The following SH3RF3 variants were observed in gnomAD, a reference collection of about 807,000 sequenced individuals.
SH3RF3 encodes SH3 domain containing ring finger 3.
In SH3RF3, 29 loss-of-function variants were observed where a neutral mutation model predicts 66.3. That is an observed-to-expected ratio of 0.44 (90% CI 0.33 to 0.60). SH3RF3 has a LOEUF of 0.60. Among genes scored for constraint, SH3RF3 ranks in the 20% least tolerant of loss-of-function variants. The probability of loss-of-function intolerance (pLI) is 0.04; values close to 1 mark genes in which losing one functional copy is unlikely to be tolerated. For missense variants in SH3RF3, 1,194 were observed against 1,190.9 expected, an observed-to-expected ratio of 1.00 and a Z score of -0.04; for synonymous variants, 583 against 532.0, an observed-to-expected ratio of 1.10 and a Z score of -1.32.
intron 1 of SH3RF3, among the ~76,000 whole-genome samples, chr2:109,322,146 G>C (rs1291598587): frequency 6.6e-6 from 1 of 152,118 alleles, no homozygotes; most frequent in African/African-American, 2.4e-5. Flanking sequence ...TAAGGGGGAG[G>C]AAGAGAGAGA....
At chr2:109,249,504 TCTTTCA>T (rs1231900082) in intron 1 of SH3RF3, among the ~76,000 whole-genome samples, 3 of 30,948 alleles carry the variant, frequency 9.7e-5, no homozygotes, top group South Asian at 1.0e-3. Context: ...TTTCTTTCTT[TCTTTCA>T]TTCTTTCTTT....
chr2:109,441,023 C>G (rs1261293254), intron 7 of SH3RF3, among the ~76,000 whole-genome samples: 1 of 151,692 alleles, frequency 6.6e-6, no homozygotes, highest in Admixed American at 6.6e-5. Flanking sequence ...AGACTGAGCA[C>G]TGTTCCAATT....
intron 7 of SH3RF3, among the ~76,000 whole-genome samples, chr2:109,437,689 T>C (rs1677443257): frequency 6.6e-6 from 1 of 150,790 alleles, no homozygotes. Context: ...ATGACAGCTG[T>C]TGATCCTTCG....
At chr2:109,455,602 T>C (rs1302150325) in intron 8 of SH3RF3, among the ~76,000 whole-genome samples, 1 of 152,218 alleles carries the variant, frequency 6.6e-6, no homozygotes, top group Non-Finnish European at 1.5e-5. Context: ...ACATCCAATC[T>C]GAAGAAATCT....
chr2:109,346,585 C>T (rs949262216), intron 1 of SH3RF3, among the ~76,000 whole-genome samples: 1 of 150,942 alleles, frequency 6.6e-6, no homozygotes, highest in East Asian at 2.0e-4. Context: ...ATTGGCCACC[C>T]ATAAAGGAAA....
intron 1 of SH3RF3, among the ~76,000 whole-genome samples, chr2:109,184,267 T>G (rs189425915): frequency 9.0e-4 from 137 of 152,304 alleles, no homozygotes; most frequent in African/African-American, 3.1e-3. Context: ...GTCAAAGCAG[T>G]GTTCAACTCT....
intron 1 of SH3RF3, among the ~76,000 whole-genome samples, chr2:109,150,120 A>T (rs1677196155): frequency 6.6e-6 from 1 of 152,196 alleles, no homozygotes; most frequent in African/African-American, 2.4e-5. Context: ...GCAGAAGGCC[A>T]ACAAAAGGTG....
intron 8 of SH3RF3, among the ~76,000 whole-genome samples, chr2:109,470,393 A>G (rs1349811362): frequency 5.9e-5 from 9 of 152,176 alleles, no homozygotes. Flanking sequence ...AAGTCCCTGG[A>G]AGCGCCTTGT....
At chr2:109,316,880 C>G (rs1382562389) in intron 1 of SH3RF3, among the ~76,000 whole-genome samples, 1 of 152,238 alleles carries the variant, frequency 6.6e-6, no homozygotes, top group Non-Finnish European at 1.5e-5. Context: ...TCCAGAACAT[C>G]ATACAGTTGG....
intron 1 of SH3RF3, among the ~76,000 whole-genome samples, chr2:109,163,499 C>T (rs890691479): frequency 4.4e-4 from 62 of 139,520 alleles, no homozygotes; most frequent in Non-Finnish European, 6.1e-5. Flanking sequence ...CCCGGGTTCA[C>T]GCCATTCTCC....
intron 1 of SH3RF3, among the ~76,000 whole-genome samples, chr2:109,240,920 T>G (rs2105219340): frequency 6.6e-6 from 1 of 151,670 alleles, no homozygotes; most frequent in Non-Finnish European, 1.5e-5. Context: ...CCGCTTCTTT[T>G]CTCATGTTCC....
At chr2:109,139,088 C>T (rs749431353) in intron 1 of SH3RF3, among the ~76,000 whole-genome samples, 3 of 152,126 alleles carry the variant, frequency 2.0e-5, no homozygotes, top group Non-Finnish European at 4.4e-5. Flanking sequence ...AAAATGTATC[C>T]ACATCTTTAC....
intron 2 of SH3RF3, among the ~76,000 whole-genome samples, chr2:109,356,329 C>T (rs1393682484): frequency 6.6e-6 from 1 of 152,132 alleles, no homozygotes; most frequent in African/African-American, 2.4e-5. Flanking sequence ...ATATTTGAGC[C>T]AGAAGAGATG....
At chr2:109,436,297 G>C (rs1003382606) in intron 6 of SH3RF3, among the ~76,000 whole-genome samples, 1 of 152,202 alleles carries the variant, frequency 6.6e-6, no homozygotes, top group African/African-American at 2.4e-5. Context: ...GAGGGAAAGC[G>C]TGAAAAGCCC....
At chr2:109,134,039 T>A (rs1052991598) in intron 1 of SH3RF3, among the ~76,000 whole-genome samples, 2 of 152,130 alleles carry the variant, frequency 1.3e-5, no homozygotes, top group Non-Finnish European at 2.9e-5. Context: ...GTTCTTTGGG[T>A]CTCGACAGTT....
At chr2:109,477,609 G>C (rs1678717416) in intron 8 of SH3RF3, among the ~76,000 whole-genome samples, 1 of 112,128 alleles carries the variant, frequency 8.9e-6, no homozygotes, top group Non-Finnish European at 1.9e-5. Context: ...AAATGCCACA[G>C]ATGGGTGTGT....
In SH3RF3 at chr2:109,212,157, G is replaced by A. The variant is rs187553780; in HGVS notation, c.573+82044G>A. 7.3e-4 allele frequency among the ~76,000 whole-genome samples: 111 copies of A among 152,318 alleles called. 1 individual carries two copies. The highest frequency in any genetic ancestry group is 1.9e-4 in the East Asian group (1 of 5,166). ...CGAGCCTCTGGGTGGCTGTGGTTTT[G>A]TTTGGCTTCTGGATGACTTGTCAGG... On this transcript the variant is annotated intron_variant, in intron 1 of 9. Transcript: ENST00000309415.
In SH3RF3 at chr2:109,450,746, G is replaced by A. The variant is rs535312121; in HGVS notation, c.2148+1257G>A. On this transcript the variant is annotated intron_variant, in intron 8 of 9. Coordinates refer to ENST00000309415, the MANE Select transcript of SH3RF3 (RefSeq NM_001099289.3). Reference sequence around the variant, plus strand: ...GGCTCAGGGCCCATGCACTGCCTGAGGCTGTATCCCTAGGGCGTTGGGCTG... The same window carrying A: ...GGCTCAGGGCCCATGCACTGCCTGAAGCTGTATCCCTAGGGCGTTGGGCTG... 2.8e-4 allele frequency among the ~76,000 whole-genome samples: 42 copies of A among 152,318 alleles called. 1 individual carries two copies. Among genetic ancestry groups the A allele is most frequent in the Middle Eastern group, 3.4e-3 (1 of 292 alleles).
chr2:109,305,318 G>C (rs1459904968), intron 1 of SH3RF3, among the ~76,000 whole-genome samples: 1 of 152,098 alleles, frequency 6.6e-6, no homozygotes, highest in African/African-American at 2.4e-5. Flanking sequence ...TTCCCTGAGA[G>C]GATGAAGCGC....
Sources: gnomAD v4.1 joint callset for allele counts (sites outside exome capture counted in the v4.1 genomes callset) on GRCh38, gnomAD v4.1.1 for gene constraint, MANE v1.5 for transcripts, NCBI Gene and HGNC (gene_info 2026-07-23, HGNC 2026-07-21) for gene names.